Variants in MCTP1 observed in about 807,000 individuals in gnomAD.
MCTP1 encodes multiple C2 and transmembrane domain-containing protein 1.
Under a neutral mutation model 120.6 loss-of-function variants are expected in MCTP1, and 69 were observed. The observed-to-expected ratio is 0.57, with a 90% confidence interval of 0.47 to 0.70. MCTP1 has a LOEUF of 0.70. Among genes scored for constraint, MCTP1 ranks in the 30% least tolerant of loss-of-function variants. The probability of loss-of-function intolerance (pLI) is 0.00; values close to 1 mark genes in which losing one functional copy is unlikely to be tolerated. For synonymous variants in MCTP1, 529 were observed against 493.1 expected, an observed-to-expected ratio of 1.07 and a Z score of -0.96; for missense variants, 1,203 against 1,248.8, an observed-to-expected ratio of 0.96 and a Z score of 0.55.
intron 6 of MCTP1, chr5:94,929,593 T>C (rs943935295): frequency 2.8e-5 from 24 of 857,494 alleles, no homozygotes; most frequent in Non-Finnish European, 3.1e-5. Context: ...AGTAACATAG[T>C]AAAATCTATA....
intron 1 of MCTP1, among the ~76,000 whole-genome samples, chr5:95,110,574 AT>A (rs1233967216): frequency 1.3e-5 from 2 of 152,136 alleles, no homozygotes; most frequent in Non-Finnish European, 2.9e-5. Context: ...TGTGGGGTTT[AT>A]TTTTTATACG....
chr5:95,233,927 A>G (rs1318877058), intron 1 of MCTP1, among the ~76,000 whole-genome samples: 1 of 152,066 alleles, frequency 6.6e-6, no homozygotes, highest in Non-Finnish European at 1.5e-5. Context: ...ACTGAAAAAC[A>G]GTGGGGAAAG....
chr5:94,961,894 A>AT (rs1561932966), intron 2 of MCTP1, among the ~76,000 whole-genome samples: 1 of 152,034 alleles, frequency 6.6e-6, no homozygotes, highest in Non-Finnish European at 1.5e-5. Context: ...TTTCGATGTG[A>AT]TTTTTTTCTT....
At chr5:95,202,445 T>A (rs1049487169) in intron 1 of MCTP1, among the ~76,000 whole-genome samples, 1 of 152,208 alleles carries the variant, frequency 6.6e-6, no homozygotes, top group East Asian at 1.9e-4. Flanking sequence ...CCAGCCTCCA[T>A]AATCATGTGA....
At chr5:94,774,854 G>A (rs1171796633) in intron 19 of MCTP1, among the ~76,000 whole-genome samples, 5 of 151,972 alleles carry the variant, frequency 3.3e-5, no homozygotes, top group East Asian at 1.9e-4. Context: ...TTTTCCCCAC[G>A]GTGCAGTTAT....
At chr5:94,841,105 G>A (rs1338341432) in intron 17 of MCTP1, among the ~76,000 whole-genome samples, 1 of 152,184 alleles carries the variant, frequency 6.6e-6, no homozygotes, top group African/African-American at 2.4e-5. Flanking sequence ...GCATGTGACC[G>A]AGGCTTAAAG....
intron 13 of MCTP1, among the ~76,000 whole-genome samples, chr5:94,872,902 T>C (rs1030189541): frequency 6.6e-6 from 1 of 151,930 alleles, no homozygotes; most frequent in Non-Finnish European, 1.5e-5. Context: ...CCAAATCATA[T>C]AAAAAGCACA....
At chr5:95,129,667 C>CT (rs11387309) in intron 1 of MCTP1, among the ~76,000 whole-genome samples, 33,208 of 148,602 alleles carry the variant, frequency 0.22, 3,794 homozygotes, top group East Asian at 0.32. Context: ...GGCACATTTT[C>CT]TTTTTTTTTT....
chr5:94,952,834 A>T (rs1401726666), intron 3 of MCTP1, among the ~76,000 whole-genome samples: 1 of 151,812 alleles, frequency 6.6e-6, no homozygotes, highest in East Asian at 1.9e-4. Flanking sequence ...TTTTGCTTGC[A>T]GCCAGAAATG....
At chr5:95,280,274 T>C (rs1760207398) in intron 1 of MCTP1, among the ~76,000 whole-genome samples, 1 of 152,218 alleles carries the variant, frequency 6.6e-6, no homozygotes. Flanking sequence ...TTTCAAAACA[T>C]ATCTAACATA....
chr5:94,901,094 C>T (rs1484503226), intron 10 of MCTP1, among the ~76,000 whole-genome samples: 1 of 152,176 alleles, frequency 6.6e-6, no homozygotes, highest in Non-Finnish European at 1.5e-5. Flanking sequence ...TAAAGACACA[C>T]CCAACACTGG....
intron 8 of MCTP1, 134 bp from the exon 9 acceptor site, chr5:94,913,110 A>G: frequency 2.9e-6 from 1 of 350,322 alleles, no homozygotes; most frequent in Non-Finnish European, 5.0e-6. Flanking sequence ...AACTAAAAAT[A>G]ATTATGAATT....
intron 19 of MCTP1, among the ~76,000 whole-genome samples, chr5:94,775,261 C>G (rs1775039984): frequency 6.6e-6 from 1 of 152,166 alleles, no homozygotes; most frequent in Non-Finnish European, 1.5e-5. Context: ...CAAAAACCTG[C>G]ATTTTATCTT....
rs906047864 is a variant in MCTP1, at chr5:94,896,580, A to G, written c.1653-1745T>C. Reference sequence around the variant, plus strand: ...TAGATGCTGGTTCCTCTTAATTTATATTAGTCATTGCATTTAATGCTTTAC... The same window carrying G: ...TAGATGCTGGTTCCTCTTAATTTATGTTAGTCATTGCATTTAATGCTTTAC... On this transcript the variant is annotated intron_variant, in intron 10 of 22. Transcript: ENST00000515393. Among the ~76,000 whole-genome samples, 5 of 152,246 alleles carry G rather than the reference A, an allele frequency of 3.3e-5. No homozygotes were observed. The East Asian group carries it at 9.6e-4, about 29-fold the overall frequency.
chr5:94,942,368 C>A lies in MCTP1; in HGVS notation c.1041G>T (p.Leu347=). The change falls in exon 4 of 23, where the codon CTG becomes CTT. Residue 347 remains leucine (L), a synonymous_variant. Transcript: ENST00000515393. ...DDFMGSAFLD[L]TQLELNRPTD... ...GTTACCTGTTTAACTCCAATTGTGT[C>A]AGATCCAGAAAGGCTGAGCCCATAA... 1 of 1,611,138 alleles carries A rather than the reference C, an allele frequency of 6.2e-7. No individual in the cohort carries two copies. Among genetic ancestry groups the A allele is most frequent in the South Asian group, 1.1e-5 (1 of 90,968 alleles).
intron 8 of MCTP1, among the ~76,000 whole-genome samples, chr5:94,914,213 T>A (rs1809495597): frequency 6.6e-6 from 1 of 152,236 alleles, no homozygotes; most frequent in Non-Finnish European, 1.5e-5. Context: ...AAATGTGTTT[T>A]TCCTACTCAC....
chr5:94,965,722 T>C (rs1477490429), intron 2 of MCTP1, among the ~76,000 whole-genome samples: 3 of 152,210 alleles, frequency 2.0e-5, no homozygotes, highest in African/African-American at 7.2e-5. Flanking sequence ...CCAAAATTCA[T>C]GTTGAAACTA....
At chr5:94,711,150 T>C (rs1756816710) in intron 20 of MCTP1, among the ~76,000 whole-genome samples, 1 of 152,038 alleles carries the variant, frequency 6.6e-6, no homozygotes, top group South Asian at 2.1e-4. Flanking sequence ...TCCAGATTGT[T>C]CCAGGTGACT....
At chr5:95,259,769 A>G (rs1758287494) in intron 1 of MCTP1, among the ~76,000 whole-genome samples, 1 of 152,146 alleles carries the variant, frequency 6.6e-6, no homozygotes, top group Non-Finnish European at 1.5e-5. Flanking sequence ...GTGGTACCCT[A>G]TCACAGTATT....
Sources: gnomAD v4.1 joint callset for allele counts (sites outside exome capture counted in the v4.1 genomes callset) on GRCh38, gnomAD v4.1.1 for gene constraint, MANE v1.5 for transcripts, NCBI Gene and HGNC (gene_info 2026-07-23, HGNC 2026-07-21) for gene names.